A4GALT: variants seen among roughly 807,000 people sequenced by gnomAD.
A4GALT encodes lactosylceramide 4-alpha-galactosyltransferase.
For missense variants in A4GALT, 512 were observed against 486.0 expected, an observed-to-expected ratio of 1.05 and a Z score of -0.50; for synonymous variants, 257 against 220.7, an observed-to-expected ratio of 1.16 and a Z score of -1.46.
intron 1 of A4GALT, among the ~76,000 whole-genome samples, chr22:42,705,966 A>G (rs1481739899): frequency 8.5e-6 from 1 of 117,680 alleles, no homozygotes; most frequent in African/African-American, 2.7e-5. Flanking sequence ...AGGCAGGAGA[A>G]TCGCTTGAAC....
chr22:42,692,836 G>T lies in A4GALT; in HGVS notation c.*54C>A, dbSNP rs934588147. On this transcript the variant is annotated 3_prime_UTR_variant, in exon 3 of 3. Transcript: ENST00000642412. This position sits in a 1 kb window ranked among gnomAD's most constrained non-coding sequence, Gnocchi z 4.6. ...GCCCTCAATCTTGCCTCCCCGGGAA[G>T]GGCGGCCCAGTGCCCCATCAGGAGC... 5.7e-6 allele frequency: 9 copies of T among 1,592,154 alleles called. No individual in the cohort carries two copies. The African/African-American group carries it at 1.2e-4, about 21-fold the overall frequency.
chr22:42,711,985 C>T (rs762961992), intron 1 of A4GALT, among the ~76,000 whole-genome samples: 1 of 152,134 alleles, frequency 6.6e-6, no homozygotes, highest in Non-Finnish European at 1.5e-5. Context: ...AAGCCGGGAT[C>T]AAATGTGATA....
chr22:42,713,767 G>A (rs8139858), intron 1 of A4GALT, among the ~76,000 whole-genome samples: 50,894 of 147,668 alleles, frequency 0.34, 9,715 homozygotes, highest in Middle Eastern at 0.44. Flanking sequence ...AGCCAAGACC[G>A]TGCCATTGCA....
chr22:42,695,174 G>A (rs1332364664), intron 2 of A4GALT: 1 of 100,462 alleles, frequency 1.0e-5, no homozygotes, highest in East Asian at 2.8e-4. Context: ...AACAGCCAGC[G>A]GGATCACCAT....
At chr22:42,703,177 G>C (rs151217339) in intron 1 of A4GALT, among the ~76,000 whole-genome samples, 1 of 150,030 alleles carries the variant, frequency 6.7e-6, no homozygotes, top group Non-Finnish European at 1.5e-5. Context: ...CTTGGGGGCA[G>C]AGACTAGGCC....
chr22:42,710,168 CAAAA>C (rs1921552721), intron 1 of A4GALT, among the ~76,000 whole-genome samples: 1 of 151,874 alleles, frequency 6.6e-6, no homozygotes, highest in South Asian at 2.1e-4. Flanking sequence ...AGGAATTTGA[CAAAA>C]GAAAGAAAAC....
chr22:42,705,390 C>T (rs1004036682), intron 1 of A4GALT, among the ~76,000 whole-genome samples: 2 of 151,832 alleles, frequency 1.3e-5, no homozygotes, highest in African/African-American at 2.4e-5. Context: ...CACTTGAGGT[C>T]GGGAGTTCGA....
chr22:42,711,538 G>A (rs1921694197), intron 1 of A4GALT, among the ~76,000 whole-genome samples: 1 of 152,200 alleles, frequency 6.6e-6, no homozygotes, highest in South Asian at 2.1e-4. Context: ...ATGGAAATGG[G>A]CAGAGACCAA....
rs1478186934 is a variant in A4GALT, at chr22:42,706,092, A to T, written c.-187-10461T>A. ...AAAAGTTGGCCGGGTGCGGTGGCTC[A>T]CGCCTGTAATCTCAGCACTTTGGGA... On this transcript the variant is annotated intron_variant, in intron 1 of 2. Coordinates refer to ENST00000642412, the MANE Select transcript of A4GALT (RefSeq NM_017436.7). 1.8e-5 allele frequency among the ~76,000 whole-genome samples: 2 copies of T among 113,092 alleles called. 1 individual carries two copies. The highest frequency in any genetic ancestry group is 4.0e-5 in the Non-Finnish European group (2 of 50,028). 74.2% of individuals were successfully genotyped at this position (113,092 alleles called of 152,430 possible).
At chr22:42,701,542 C>T (rs778538862) in intron 1 of A4GALT, among the ~76,000 whole-genome samples, 1 of 152,214 alleles carries the variant, frequency 6.6e-6, no homozygotes, top group Non-Finnish European at 1.5e-5. Context: ...AAGTCACATG[C>T]ACTGCTGTTC....
chr22:42,708,732 C>T (rs1284036795), intron 1 of A4GALT, among the ~76,000 whole-genome samples: 7 of 152,004 alleles, frequency 4.6e-5, no homozygotes, highest in Admixed American at 1.3e-4. Flanking sequence ...GCTTCCCATA[C>T]AAACTAGGAA....
chr22:42,716,984 G>A (rs1020451774), intron 1 of A4GALT, among the ~76,000 whole-genome samples: 8 of 152,186 alleles, frequency 5.3e-5, no homozygotes, highest in Admixed American at 2.6e-4. Flanking sequence ...CAGCGTGACC[G>A]CAGAAGGCTG....
chr22:42,711,404 G>C (rs139152248), intron 1 of A4GALT, among the ~76,000 whole-genome samples: 2 of 152,236 alleles, frequency 1.3e-5, no homozygotes, highest in African/African-American at 4.8e-5. Context: ...TCTCACTCTG[G>C]GGCTTTATCC....
intron 1 of A4GALT, among the ~76,000 whole-genome samples, chr22:42,701,508 G>A (rs5758873): frequency 0.51 from 76,780 of 152,004 alleles, 20,020 homozygotes; most frequent in African/African-American, 0.64. Flanking sequence ...GAATGCTCCC[G>A]CCGCAGCAGG....
At chr22:42,720,257 G>A (rs28640172) in intron 1 of A4GALT, among the ~76,000 whole-genome samples, 52,024 of 151,720 alleles carry the variant, frequency 0.34, 9,290 homozygotes, top group East Asian at 0.68. Flanking sequence ...CCCGCTTCTG[G>A]GCAGGTCCAA....
In A4GALT at chr22:42,705,518, A is replaced by G. The variant is rs1359891590; in HGVS notation, c.-187-9887T>C. Among the ~76,000 whole-genome samples the G allele has an allele frequency of 5.2e-5, 6 of 114,606 alleles. 2 individuals carry two copies. Among genetic ancestry groups the G allele is most frequent in the Middle Eastern group, 5.1e-3 (1 of 198 alleles). 75.2% of individuals were successfully genotyped at this position (114,606 alleles called of 152,430 possible). Reference sequence around the variant, plus strand: ...CTTGGGAGGCCAAGGCAGGAGAATCATTTGAACCCAGGAGGTAGAGGCTGT... The same window carrying G: ...CTTGGGAGGCCAAGGCAGGAGAATCGTTTGAACCCAGGAGGTAGAGGCTGT... On this transcript the variant is annotated intron_variant, in intron 1 of 2. Coordinates refer to ENST00000642412, the MANE Select transcript of A4GALT (RefSeq NM_017436.7).
chr22:42,702,338 CT>C (rs36007921), intron 1 of A4GALT, among the ~76,000 whole-genome samples: 1,841 of 138,948 alleles, frequency 0.013, 33 homozygotes, highest in African/African-American at 0.032. Flanking sequence ...GGAACACACT[CT>C]TTTTTTTTTT....
intron 1 of A4GALT, among the ~76,000 whole-genome samples, chr22:42,699,902 G>C (rs536529177): frequency 6.6e-6 from 1 of 152,316 alleles, no homozygotes; most frequent in South Asian, 2.1e-4. Context: ...CCAACCCTGA[G>C]TAGAAGGAAA....
At chr22:42,700,184 T>TG (rs1435401036) in intron 1 of A4GALT, among the ~76,000 whole-genome samples, 1 of 152,070 alleles carries the variant, frequency 6.6e-6, no homozygotes, top group Admixed American at 6.5e-5. Context: ...CCCCTGGAAA[T>TG]GATTGTATGT....
Sources: gnomAD v4.1 joint callset for allele counts (sites outside exome capture counted in the v4.1 genomes callset) on GRCh38, gnomAD v4.1.1 for gene constraint, Gnocchi (gnomAD v3.1) non-coding constraint, MANE v1.5 for transcripts, NCBI Gene and HGNC (gene_info 2026-07-23, HGNC 2026-07-21) for gene names.